The following PAK3 variants were observed in gnomAD, a reference collection of about 807,000 sequenced individuals.
The protein encoded by PAK3 is serine/threonine-protein kinase PAK 3.
Under a neutral mutation model 41.0 loss-of-function variants are expected in PAK3, and 4 were observed. The ratio of observed to expected loss-of-function variants is 0.10; its 90% CI spans 0.05 to 0.22. PAK3 has a LOEUF of 0.22. Among genes scored for constraint, PAK3 ranks in the 10% least tolerant of loss-of-function variants. PAK3 has a pLI of 1.00. For synonymous variants in PAK3, 146 were observed against 139.6 expected (o/e 1.05, Z -0.32); for missense variants, 205 against 409.9 (o/e 0.50, Z 4.32).
chrX:111,173,089 A>G lies in PAK3; in HGVS notation c.830+8A>G. On this transcript the variant is annotated splice_region_variant and intron_variant, in intron 11 of 17. Coordinates refer to ENST00000372007, the MANE Select transcript of PAK3 (RefSeq NM_002578.5). ...TGAAAAAATTGGTCAAGGGTAAGTGATTGTTATTTGAAATATAAAAAGATG... is the reference window on the plus strand; with the variant it reads ...TGAAAAAATTGGTCAAGGGTAAGTGGTTGTTATTTGAAATATAAAAAGATG... The G allele has an allele frequency of 3.3e-6, 3 of 913,844 alleles. No homozygotes were observed. Among genetic ancestry groups the G allele is most frequent in the Non-Finnish European group, 4.8e-6 (3 of 626,064 alleles). 75.3% of individuals were successfully genotyped at this position (913,844 alleles called of 1,213,427 possible). A position where few individuals can be genotyped will look rare whatever the true frequency, so the allele number is the denominator to read the frequency against.
intron 1 of PAK3, among the ~76,000 whole-genome samples, chrX:110,954,399 T>C (rs1355615015): frequency 8.9e-6 from 1 of 112,551 alleles, no homozygotes; most frequent in Non-Finnish European, 1.9e-5. Context: ...AGCATTCCAT[T>C]TTACAGAGGA....
At chrX:111,111,414 CTCTTA>C (rs965478226) in intron 4 of PAK3, among the ~76,000 whole-genome samples, 1 of 111,471 alleles carries the variant, frequency 9.0e-6, no homozygotes, top group Admixed American at 9.5e-5. Flanking sequence ...TGGTTTTATC[CTCTTA>C]TCTTTGCCTG....
chrX:110,989,930 G>A (rs761093887), intron 1 of PAK3, among the ~76,000 whole-genome samples: 2 of 112,295 alleles, frequency 1.8e-5, no homozygotes, highest in South Asian at 7.5e-4. Context: ...TCACCAGAGT[G>A]TATGAATTTA....
chrX:110,984,710 A>T (rs1040219688), intron 1 of PAK3, among the ~76,000 whole-genome samples: 22 of 111,773 alleles, frequency 2.0e-4, no homozygotes, highest in Admixed American at 1.5e-3. Context: ...TTTTAAAATG[A>T]GGAAGGGGTG....
intron 4 of PAK3, among the ~76,000 whole-genome samples, chrX:111,121,100 C>G (rs1016310842): frequency 8.9e-6 from 1 of 112,358 alleles, no homozygotes; most frequent in Non-Finnish European, 1.9e-5. Context: ...GATAGTATCT[C>G]TGAATATACT....
chrX:110,999,317 C>T (rs1402449198), intron 1 of PAK3, among the ~76,000 whole-genome samples: 2 of 111,627 alleles, frequency 1.8e-5, no homozygotes, highest in Admixed American at 9.5e-5. Context: ...CTTTGGCACC[C>T]GGCTCATCTC....
chrX:111,158,257 G>C (rs1476365575), intron 8 of PAK3, among the ~76,000 whole-genome samples: 1 of 112,036 alleles, frequency 8.9e-6, no homozygotes, highest in African/African-American at 3.2e-5. Flanking sequence ...GCAAGTTTTA[G>C]TGAGCAAGCT....
At chrX:111,063,793 T>C in intron 1 of PAK3, among the ~76,000 whole-genome samples, 1 of 93,998 alleles carries the variant, frequency 1.1e-5, no homozygotes, top group African/African-American at 3.9e-5. Flanking sequence ...GCCACTGCAC[T>C]CCAGCCTGGG....
chrX:111,190,736 G>A (rs1014156882), intron 11 of PAK3, among the ~76,000 whole-genome samples: 1 of 111,797 alleles, frequency 8.9e-6, no homozygotes, highest in Non-Finnish European at 1.9e-5. Flanking sequence ...ACAAGGAAGT[G>A]CCTGACATAA....
intron 1 of PAK3, among the ~76,000 whole-genome samples, chrX:111,044,699 G>A (rs796301584): frequency 2.7e-5 from 3 of 112,405 alleles, no homozygotes; most frequent in Middle Eastern, 4.6e-3. Context: ...CTCAGGTGCA[G>A]CTTTAGAGAA....
chrX:111,023,076 G>A (rs2092213337), intron 1 of PAK3, among the ~76,000 whole-genome samples: 1 of 110,519 alleles, frequency 9.0e-6, no homozygotes, highest in Admixed American at 9.6e-5. Flanking sequence ...AGTGTGTGAT[G>A]TTCCCCTCTC....
Position 111,135,083 on chromosome X carries a change from G to A in PAK3, c.176-7013G>A, listed in dbSNP as rs147657668. 9.6e-3 allele frequency among the ~76,000 whole-genome samples: 1,060 copies of A among 110,928 alleles called. 18 individuals are homozygous for A. Among genetic ancestry groups the A allele is most frequent in the African/African-American group, 0.033 (1,007 of 30,498 alleles). On this transcript the variant is annotated intron_variant, in intron 5 of 17. Transcript: ENST00000372007. ...TAGCCACAGGAGGAATCGGGAAGAG[G>A]GGGAAAGAGACCAGTCAGGTTGTTG...
intron 11 of PAK3, among the ~76,000 whole-genome samples, chrX:111,185,314 G>A (rs748642447): frequency 9.0e-6 from 1 of 111,058 alleles, no homozygotes; most frequent in Non-Finnish European, 1.9e-5. Flanking sequence ...CACATGGATC[G>A]ATTGCAAAAA....
At chrX:111,071,454 A>G (rs976675989) in intron 1 of PAK3, among the ~76,000 whole-genome samples, 5 of 111,980 alleles carry the variant, frequency 4.5e-5, no homozygotes, top group Admixed American at 3.8e-4. Context: ...GATAATGTAC[A>G]TATGGAATTT....
At chrX:111,102,281 C>T (rs1337900983) in intron 3 of PAK3, among the ~76,000 whole-genome samples, 1 of 111,381 alleles carries the variant, frequency 9.0e-6, no homozygotes, top group African/African-American at 3.3e-5. Context: ...ACATGGAAAC[C>T]TCTGTGGGAA....
At chrX:111,190,351 C>A (rs2094550009) in intron 11 of PAK3, among the ~76,000 whole-genome samples, 1 of 111,803 alleles carries the variant, frequency 8.9e-6, no homozygotes. Flanking sequence ...GGTAACCTCT[C>A]TGAACCTCAG....
In PAK3 at chrX:111,149,024, A is replaced by T. The variant is rs2093989836; in HGVS notation, c.430+1134A>T. ...CAAAAGTAAGCTAGTTACTTCCTAG[A>T]TACAATAGAGGTACAGGCATTTGTT... On this transcript the variant is annotated intron_variant, in intron 7 of 17. Transcript: ENST00000372007. Among the ~76,000 whole-genome samples, 3 of 111,961 alleles carry T rather than the reference A, an allele frequency of 2.7e-5. No homozygotes were observed. The Admixed American group carries it at 2.8e-4, about 11-fold the overall frequency.
In PAK3 at chrX:111,123,139, G is replaced by A. The variant is rs142774727; in HGVS notation, c.36G>A (p.Pro12=). 3.7e-5 allele frequency: 44 copies of A among 1,205,167 alleles called. No homozygotes were observed. In the African/African-American group the frequency reaches 4.9e-4, roughly 13 times the overall value. The change falls in exon 5 of 18, where the codon CCG becomes CCA. Residue 12 remains proline (P), a synonymous_variant. Coordinates refer to ENST00000372007, the MANE Select transcript of PAK3 (RefSeq NM_002578.5). ...SDGLDNEEKP[P]APPLRMNSNN... is the part of the protein sequence containing the mutation. ...GTCTGGATAATGAAGAGAAACCCCC[G>A]GCTCCTCCACTGAGGATGAATAGTA... is the stretch of plus-strand genomic sequence containing the variant.
chrX:111,147,492 T>C (rs1040772917), intron 6 of PAK3, among the ~76,000 whole-genome samples: 1 of 110,904 alleles, frequency 9.0e-6, no homozygotes, highest in Non-Finnish European at 1.9e-5. Context: ...CTTTTTTTTT[T>C]CTATCACAGT....
Sources: gnomAD v4.1 joint callset for allele counts (sites outside exome capture counted in the v4.1 genomes callset) on GRCh38, gnomAD v4.1.1 for gene constraint, MANE v1.5 for transcripts, NCBI Gene and HGNC (gene_info 2026-07-23, HGNC 2026-07-21) for gene names.